The following SOX5 variants were observed in gnomAD, a reference collection of about 807,000 sequenced individuals.
SOX5 encodes SRY-box transcription factor 5, also known as transcription factor SOX-5.
Under a neutral mutation model 92.0 loss-of-function variants are expected in SOX5, and 9 were observed. That is an observed-to-expected ratio of 0.10 (90% confidence interval 0.06 to 0.17). The LOEUF (loss-of-function observed/expected upper bound fraction) is 0.17. SOX5 is among the 10% of genes least tolerant of loss of function. The pLI is 1.00. For synonymous variants in SOX5, 344 were observed against 336.3 expected, an observed-to-expected ratio of 1.02 and a Z score of -0.25; for missense variants, 642 against 944.5, an observed-to-expected ratio of 0.68 and a Z score of 4.20.
intron 3 of SOX5, among the ~76,000 whole-genome samples, chr12:23,799,448 G>A (rs951014024): frequency 2.0e-5 from 3 of 151,844 alleles, no homozygotes; most frequent in Non-Finnish European, 4.4e-5. Flanking sequence ...GATGTGTTTC[G>A]GGACAAAAAT....
At chr12:24,264,219 T>TTTGC (rs1942682030) in intron 3 of SOX5, among the ~76,000 whole-genome samples, 1 of 152,230 alleles carries the variant, frequency 6.6e-6, no homozygotes, top group African/African-American at 2.4e-5. Flanking sequence ...TCCAATGGCA[T>TTTGC]TAGATAGATA....
intron 2 of SOX5, among the ~76,000 whole-genome samples, chr12:24,349,812 C>G (rs965218389): frequency 1.3e-5 from 2 of 152,146 alleles, no homozygotes; most frequent in African/African-American, 4.8e-5. Context: ...AGGGGGATTG[C>G]TGGATTGTAT....
upstream of SOX5, among the ~76,000 whole-genome samples, chr12:23,953,611 C>T (rs1016200458): frequency 6.6e-6 from 1 of 151,602 alleles, no homozygotes; most frequent in South Asian, 2.1e-4. Context: ...TATATAAAAC[C>T]AAATTTCAAA....
chr12:23,842,921 G>T (rs2096535393), intron 3 of SOX5, among the ~76,000 whole-genome samples: 2 of 152,134 alleles, frequency 1.3e-5, no homozygotes, highest in South Asian at 4.1e-4. Context: ...GTAGAAAGGG[G>T]ACAGAGAGCA....
chr12:23,900,650 A>C (rs895337529), intron 1 of SOX5, among the ~76,000 whole-genome samples: 53 of 152,156 alleles, frequency 3.5e-4, no homozygotes, highest in African/African-American at 1.2e-3. Context: ...TACACAGTCA[A>C]TGTTGCAAAT....
At chr12:23,656,784 T>A (rs1276199282) in intron 7 of SOX5, among the ~76,000 whole-genome samples, 1 of 151,842 alleles carries the variant, frequency 6.6e-6, no homozygotes. Flanking sequence ...ATATATATAA[T>A]GGATTCATAT....
intron 4 of SOX5, among the ~76,000 whole-genome samples, chr12:24,107,366 G>C (rs114479680): frequency 5.3e-5 from 8 of 152,244 alleles, no homozygotes; most frequent in African/African-American, 1.9e-4. Context: ...ACACTATTTA[G>C]ACCTTCTGAA....
chr12:23,551,749 C>T (rs1944261054), intron 11 of SOX5, among the ~76,000 whole-genome samples: 2 of 151,742 alleles, frequency 1.3e-5, no homozygotes, highest in Admixed American at 1.3e-4. Context: ...ATCCTCTGGT[C>T]TAGGTATCCA....
In SOX5 at chr12:24,093,724, A is replaced by C. The variant is rs1178249063; in HGVS notation, c.-2+119619T>G. 2.0e-5 allele frequency among the ~76,000 whole-genome samples: 3 copies of C among 150,082 alleles called. 1 individual carries two copies. Among genetic ancestry groups the C allele is most frequent in the Non-Finnish European group, 3.0e-5 (2 of 67,642 alleles). ...TTTTTTTTTAATTGAATAAGACTGC[A>C]ATGGACGGTCTTGTACAAGTCCCGG... On this transcript the variant is annotated intron_variant, in intron 4 of 4. Transcript: ENST00000446891.
chr12:23,971,411 C>T (rs913411296), intron 4 of SOX5, among the ~76,000 whole-genome samples: 10 of 151,554 alleles, frequency 6.6e-5, no homozygotes, highest in African/African-American at 1.5e-4. Context: ...TGTGAGCCAC[C>T]GCGCCTGGCC....
intron 1 of SOX5, among the ~76,000 whole-genome samples, chr12:24,394,768 C>T (rs929895571): frequency 6.6e-6 from 1 of 152,150 alleles, no homozygotes; most frequent in Non-Finnish European, 1.5e-5. Flanking sequence ...TCACACTACC[C>T]TTAAGTTAAA....
At chr12:23,588,267 C>T (rs1057351923) in intron 9 of SOX5, among the ~76,000 whole-genome samples, 1 of 151,950 alleles carries the variant, frequency 6.6e-6, no homozygotes, top group Non-Finnish European at 1.5e-5. Context: ...AGGCTTAGAA[C>T]TGAGCATCAG....
intron 4 of SOX5, among the ~76,000 whole-genome samples, chr12:24,134,196 C>T (rs1369940301): frequency 6.6e-6 from 1 of 151,828 alleles, no homozygotes; most frequent in African/African-American, 2.4e-5. Context: ...CATTTAAAGA[C>T]AAAAATAATA....
At chr12:23,574,319 C>G (rs1239555026) in intron 10 of SOX5, among the ~76,000 whole-genome samples, 1 of 152,122 alleles carries the variant, frequency 6.6e-6, no homozygotes, top group African/African-American at 2.4e-5. Context: ...CAGCTTCTTC[C>G]TGAACACCTC....
intron 3 of SOX5, chr12:24,223,427 A>T (rs543602470): frequency 1.3e-5 from 2 of 152,248 alleles, no homozygotes; most frequent in East Asian, 3.9e-4. Flanking sequence ...AATATTCCCC[A>T]TGATTAGATA....
chr12:23,856,936 T>TCA (rs1210244921), intron 2 of SOX5, among the ~76,000 whole-genome samples: 4 of 152,238 alleles, frequency 2.6e-5, no homozygotes, highest in African/African-American at 7.2e-5. Context: ...GTCTGATTAT[T>TCA]CACACACACA....
chr12:24,375,736 C>CA (rs34949948), intron 1 of SOX5, among the ~76,000 whole-genome samples: 60,749 of 120,130 alleles, frequency 0.51, 14,724 homozygotes, highest in Non-Finnish European at 0.55. Context: ...AACTCTGTCT[C>CA]AAAAAAAAAA....
At chr12:24,261,254 C>A (rs1378119046) in intron 3 of SOX5, among the ~76,000 whole-genome samples, 1 of 152,062 alleles carries the variant, frequency 6.6e-6, no homozygotes, top group African/African-American at 2.4e-5. Context: ...GTACTCCAGT[C>A]AATGTGACTA....
chr12:23,640,364 A>G (rs1383432136), intron 8 of SOX5, among the ~76,000 whole-genome samples: 1 of 152,172 alleles, frequency 6.6e-6, no homozygotes, highest in African/African-American at 2.4e-5. Flanking sequence ...TGCCCAACTC[A>G]GCTGGTATTA....
Sources: gnomAD v4.1 joint callset for allele counts (sites outside exome capture counted in the v4.1 genomes callset) on GRCh38, gnomAD v4.1.1 for gene constraint, MANE v1.5 for transcripts, NCBI Gene and HGNC (gene_info 2026-07-23, HGNC 2026-07-21) for gene names.